FAF1: variants seen among roughly 807,000 people sequenced by gnomAD.
The protein encoded by FAF1 is Fas associated factor 1, also known as FAS-associated factor 1.
FAF1 carries 25 observed loss-of-function variants against 92.5 expected under a neutral mutation model. That is an observed-to-expected ratio of 0.27 (90% CI 0.20 to 0.38). The LOEUF is 0.38. FAF1 is among the 10% of genes least tolerant of loss of function. The pLI, the probability that FAF1 is intolerant of heterozygous loss-of-function variation, is 1.00. For missense variants in FAF1, 636 were observed against 793.3 expected, an observed-to-expected ratio of 0.80 and a Z score of 2.38; for synonymous variants, 234 against 273.2, an observed-to-expected ratio of 0.86 and a Z score of 1.42.
At chr1:50,754,464 A>G (rs1659996101) in intron 4 of FAF1, among the ~76,000 whole-genome samples, 1 of 152,194 alleles carries the variant, frequency 6.6e-6, no homozygotes, top group Admixed American at 6.5e-5. Context: ...TTTTGTTCCC[A>G]CTAAGCCTTT....
intron 9 of FAF1, among the ~76,000 whole-genome samples, chr1:50,592,660 A>G (rs1384503661): frequency 6.6e-6 from 1 of 152,160 alleles, no homozygotes; most frequent in Non-Finnish European, 1.5e-5. Context: ...CAAAATGATT[A>G]TTGTTGGCTG....
Position 50,441,347 on chromosome 1 carries a change from A to C in FAF1, c.*93T>G. 1.5e-6 allele frequency: 1 copy of C among 652,526 alleles called. No homozygotes were observed. The highest frequency in any genetic ancestry group is 3.0e-5 in the East Asian group (1 of 33,484). The allele number at this position is 652,526 out of a possible 1,614,324, so 40.4% of individuals were successfully genotyped here. A position where few individuals can be genotyped will look rare whatever the true frequency, so the allele number is the denominator to read the frequency against. ...CAGAAGTGTGACATTGAATTGAGTGAGACGAGCGTGTGGGTGGGTTGGCGA... is the reference window on the plus strand; with the variant it reads ...CAGAAGTGTGACATTGAATTGAGTGCGACGAGCGTGTGGGTGGGTTGGCGA... On this transcript the variant is annotated 3_prime_UTR_variant, in exon 19 of 19. Coordinates refer to ENST00000396153, the MANE Select transcript of FAF1 (RefSeq NM_007051.3).
chr1:50,614,598 G>C (rs1465441531), intron 8 of FAF1, among the ~76,000 whole-genome samples: 1 of 152,114 alleles, frequency 6.6e-6, no homozygotes, highest in East Asian at 1.9e-4. Context: ...CCAGCACTTT[G>C]GGAGGCCAAG....
At chr1:50,841,725 A>C (rs930425059) in intron 2 of FAF1, among the ~76,000 whole-genome samples, 1 of 152,068 alleles carries the variant, frequency 6.6e-6, no homozygotes, top group Admixed American at 6.5e-5. Context: ...AATGAAGATA[A>C]TTGTAAAAAA....
chr1:50,911,081 T>C (rs1644881995), intron 1 of FAF1, among the ~76,000 whole-genome samples: 1 of 151,934 alleles, frequency 6.6e-6, no homozygotes, highest in African/African-American at 2.4e-5. Flanking sequence ...TATTTACTTA[T>C]TTATTTTTGG....
intron 13 of FAF1, among the ~76,000 whole-genome samples, chr1:50,540,952 TA>T (rs1648731986): frequency 6.6e-6 from 1 of 152,310 alleles, no homozygotes; most frequent in South Asian, 2.1e-4. Context: ...TGCCTTATGA[TA>T]ATATTTTAGG....
Position 50,905,641 on chromosome 1 carries a change from A to G in FAF1, c.46-47644T>C, listed in dbSNP as rs544467875. Among the ~76,000 whole-genome samples the G allele has an allele frequency of 3.5e-4, 54 of 152,316 alleles. 2 individuals are homozygous for G. The South Asian group carries it at 0.011, about 31-fold the overall frequency. On this transcript the variant is annotated intron_variant, in intron 1 of 18. Transcript: ENST00000396153. The stretch of plus-strand genomic sequence containing the variant: ...ATTTCTCTGATGGCCAGTGATGATG[A>G]GCATTTTTTCATGTGTCTGTTGGCT...
At chr1:50,799,656 T>C (rs1413366698) in intron 3 of FAF1, among the ~76,000 whole-genome samples, 2 of 152,222 alleles carry the variant, frequency 1.3e-5, no homozygotes, top group African/African-American at 4.8e-5. Context: ...ATGAGAATAT[T>C]GCTTTATATA....
chr1:50,817,098 T>G (rs1460541159), intron 2 of FAF1, among the ~76,000 whole-genome samples: 2 of 152,198 alleles, frequency 1.3e-5, no homozygotes, highest in Non-Finnish European at 2.9e-5. Context: ...TACAGTATAT[T>G]TTGAAGTCGG....
intron 1 of FAF1, among the ~76,000 whole-genome samples, chr1:50,908,571 A>G (rs1233577462): frequency 2.0e-5 from 3 of 152,196 alleles, no homozygotes; most frequent in African/African-American, 7.2e-5. Flanking sequence ...TTGGGTGCAC[A>G]TATATTTAGG....
At chr1:50,501,264 C>G (rs1646980705) in intron 15 of FAF1, among the ~76,000 whole-genome samples, 1 of 152,172 alleles carries the variant, frequency 6.6e-6, no homozygotes, top group African/African-American at 2.4e-5. Flanking sequence ...ACATAGACAG[C>G]AAATAAGCAT....
At chr1:50,828,878 G>T (rs1158391536) in intron 2 of FAF1, among the ~76,000 whole-genome samples, 1 of 152,126 alleles carries the variant, frequency 6.6e-6, no homozygotes, top group Non-Finnish European at 1.5e-5. Flanking sequence ...ACAAGCCACA[G>T]AATAGATGAT....
chr1:50,557,037 C>A (rs1185365558), intron 13 of FAF1, among the ~76,000 whole-genome samples: 3 of 152,128 alleles, frequency 2.0e-5, no homozygotes, highest in Admixed American at 2.0e-4. Context: ...TTGAGAGCTG[C>A]TCAGAGAATC....
intron 6 of FAF1, among the ~76,000 whole-genome samples, chr1:50,711,830 GT>G (rs1057266219): frequency 2.0e-5 from 3 of 152,102 alleles, no homozygotes; most frequent in African/African-American, 7.2e-5. Context: ...TATGAGTAGA[GT>G]TTGTTTGGAG....
intron 4 of FAF1, among the ~76,000 whole-genome samples, chr1:50,759,664 C>T (rs1373404084): frequency 3.3e-5 from 5 of 152,098 alleles, no homozygotes; most frequent in Non-Finnish European, 5.9e-5. Flanking sequence ...TGCATATATA[C>T]CCAGTAATGG....
chr1:50,551,903 T>C (rs1289807310), intron 13 of FAF1, among the ~76,000 whole-genome samples: 1 of 152,176 alleles, frequency 6.6e-6, no homozygotes, highest in Non-Finnish European at 1.5e-5. Flanking sequence ...TGTAGATAAA[T>C]GCACTGAGCA....
At chr1:50,893,493 T>C (rs1004721577) in intron 1 of FAF1, among the ~76,000 whole-genome samples, 2 of 152,206 alleles carry the variant, frequency 1.3e-5, no homozygotes, top group African/African-American at 2.4e-5. Context: ...GATTAGCATA[T>C]AGAAACTATT....
chr1:50,639,915 C>G (rs937935429), intron 8 of FAF1, among the ~76,000 whole-genome samples: 2 of 124,444 alleles, frequency 1.6e-5, no homozygotes, highest in Non-Finnish European at 3.2e-5. Flanking sequence ...GCCTGGGTGA[C>G]AGAGCAAGAC....
chr1:50,627,002 T>G (rs1283952862), intron 8 of FAF1, among the ~76,000 whole-genome samples: 1 of 152,150 alleles, frequency 6.6e-6, no homozygotes, highest in East Asian at 1.9e-4. Flanking sequence ...ATTCATGGAA[T>G]TAGAATACTT....
Sources: allele counts gnomAD v4.1 joint callset (sites outside exome capture counted in the v4.1 genomes callset), GRCh38; gene constraint gnomAD v4.1.1; transcripts MANE v1.5; gene names NCBI Gene and HGNC (gene_info 2026-07-23, HGNC 2026-07-21).